The following TEX9 variants were observed in gnomAD, a reference collection of about 807,000 sequenced individuals.
The protein encoded by TEX9 is testis expressed 9.
In TEX9, 74 loss-of-function variants were observed where a neutral mutation model predicts 59.6. The observed-to-expected ratio is 1.24, with a 90% CI of 1.03 to 1.51. The LOEUF is 1.51. TEX9 is among the 40% of genes most tolerant of loss of function. The pLI is 0.00. For missense variants in TEX9, 522 were observed against 447.8 expected, an observed-to-expected ratio of 1.17 and a Z score of -1.49; for synonymous variants, 186 against 152.2, an observed-to-expected ratio of 1.22 and a Z score of -1.64.
At chr15:56,347,875 A>G (rs767185400) in intron 1 of TEX9, among the ~76,000 whole-genome samples, 5 of 152,124 alleles carry the variant, frequency 3.3e-5, no homozygotes, top group Admixed American at 6.6e-5. Flanking sequence ...TTTATAAAGG[A>G]TTAGTATATA....
rs906142769 is a variant in TEX9, at chr15:56,299,155, G to A, written c.-107+54877G>A. On this transcript the variant is annotated intron_variant, in intron 1 of 5. Coordinates refer to the TEX9 transcript ENST00000560827. ...GGAAAGACAGTCTTTAATTGCTGACGCCACCCCTCCACCATGCCCCAGCAG... is the reference window on the plus strand; with the variant it reads ...GGAAAGACAGTCTTTAATTGCTGACACCACCCCTCCACCATGCCCCAGCAG... 3.9e-5 allele frequency among the ~76,000 whole-genome samples: 6 copies of A among 152,142 alleles called. 1 individual carries two copies. Among genetic ancestry groups the A allele is most frequent in the African/African-American group, 1.4e-4 (6 of 41,436 alleles).
chr15:56,321,111 A>G (rs1025035405), intron 1 of TEX9, among the ~76,000 whole-genome samples: 5 of 152,178 alleles, frequency 3.3e-5, no homozygotes, highest in Admixed American at 6.5e-5. Context: ...GGGAAACTCA[A>G]TGCCACTGTG....
At chr15:56,382,806 T>C (rs1176646492) in intron 3 of TEX9, among the ~76,000 whole-genome samples, 1 of 152,202 alleles carries the variant, frequency 6.6e-6, no homozygotes, top group Admixed American at 6.5e-5. Flanking sequence ...TGAGACACTT[T>C]TGTTGCTGTG....
intron 12 of TEX9, among the ~76,000 whole-genome samples, chr15:56,433,791 C>T (rs1362641191): frequency 6.6e-6 from 1 of 152,156 alleles, no homozygotes; most frequent in Non-Finnish European, 1.5e-5. Flanking sequence ...GTTTCTCTCT[C>T]TGCCATACCA....
intron 1 of TEX9, among the ~76,000 whole-genome samples, chr15:56,310,981 C>G (rs1252170593): frequency 4.6e-5 from 7 of 152,130 alleles, no homozygotes; most frequent in African/African-American, 1.7e-4. Context: ...CAGATGACCT[C>G]AGACGAACAC....
intron 10 of TEX9, among the ~76,000 whole-genome samples, chr15:56,426,598 T>TATATATAC (rs1567141614): frequency 4.6e-5 from 1 of 21,752 alleles, no homozygotes; most frequent in East Asian, 8.2e-4. Flanking sequence ...TGTATATATA[T>TATATATAC]ATATATATAT....
chr15:56,389,199 C>T lies in TEX9; in HGVS notation c.313-119C>T, dbSNP rs2048096230. On this transcript the variant is annotated intron_variant, in intron 5 of 12. Transcript: ENST00000352903. Reference sequence around the variant, plus strand: ...TCTTGAAAACACATTTTTGGTAATTCCATGAAAATAGCAAATAGCAGTTTT... The same window carrying T: ...TCTTGAAAACACATTTTTGGTAATTTCATGAAAATAGCAAATAGCAGTTTT... 8 of 766,158 alleles carry T rather than the reference C, an allele frequency of 1.0e-5. No homozygotes were observed. The Admixed American group carries it at 1.7e-4, about 17-fold the overall frequency. 47.5% of individuals were successfully genotyped at this position (766,158 alleles called of 1,614,324 possible). A position where few individuals can be genotyped will look rare whatever the true frequency, so the allele number is the denominator to read the frequency against.
At position 56,444,380 on chromosome 15, in the gene TEX9, C is replaced by A. The variant is rs139192065; in HGVS notation, c.*30-1291C>A. On this transcript the variant is annotated intron_variant, in intron 12 of 12. Transcript: ENST00000352903. Reference sequence around the variant, plus strand: ...CTGTTCTAGGTGCTTCAGTTCCTCACAACAAACCTGTGATATATCTAAAGT... The same window carrying A: ...CTGTTCTAGGTGCTTCAGTTCCTCAAAACAAACCTGTGATATATCTAAAGT... 682 of 1,418,438 alleles carry A rather than the reference C, an allele frequency of 4.8e-4. 3 individuals carry two copies. The African/African-American group carries it at 8.8e-3, about 18-fold the overall frequency. The allele number at this position is 1,418,438 out of a possible 1,614,324, so 87.9% of individuals were successfully genotyped here. A position where few individuals can be genotyped will look rare whatever the true frequency, so the allele number is the denominator to read the frequency against.
rs1261663146 is a variant in TEX9 at position 56,428,906 on chromosome 15, A to T, written c.*29+433A>T. ...GTTGTAGAAATCGGATTTTGAAATTATCAGTACAAAAATAACAGCTTGATT... is the reference window on the plus strand; with the variant it reads ...GTTGTAGAAATCGGATTTTGAAATTTTCAGTACAAAAATAACAGCTTGATT... On this transcript the variant is annotated intron_variant, in intron 12 of 12. Coordinates refer to ENST00000352903, the Ensembl canonical transcript of TEX9. 5.8e-6 allele frequency: 3 copies of T among 517,910 alleles called. No individual in the cohort carries two copies. In the African/African-American group the frequency reaches 6.0e-5, roughly 10 times the overall value. The allele number at this position is 517,910 out of a possible 1,614,324, so 32.1% of individuals were successfully genotyped here.
At position 56,389,475 on chromosome 15, in the gene TEX9, G is replaced by A. The variant is rs1008296191; in HGVS notation, c.395+75G>A. The A allele has an allele frequency of 3.6e-6, 4 of 1,106,372 alleles. No homozygotes were observed. The Admixed American group carries it at 6.9e-5, about 19-fold the overall frequency. 68.5% of individuals were successfully genotyped at this position (1,106,372 alleles called of 1,614,324 possible). ...CAATACCATCATTCTTAATTATTAA[G>A]CTCTGTTTGTTTTTCCAGATCTTTT... On this transcript the variant is annotated intron_variant, in intron 6 of 12. Transcript: ENST00000352903.
intron 1 of TEX9, among the ~76,000 whole-genome samples, chr15:56,245,243 T>C (rs1486825704): frequency 6.6e-6 from 1 of 152,110 alleles, no homozygotes; most frequent in African/African-American, 2.4e-5. Flanking sequence ...CTGTGCCCTC[T>C]CTCCTGGCCC....
the TEX9 span, among the ~76,000 whole-genome samples, chr15:56,451,793 G>A: frequency 3.3e-5 from 5 of 152,096 alleles, no homozygotes; most frequent in African/African-American, 9.7e-5. Flanking sequence ...TGAACCCATC[G>A]TACATCAAGG....
At chr15:56,323,331 C>T (rs1272982422) in intron 1 of TEX9, 1 of 198,234 alleles carries the variant, frequency 5.0e-6, no homozygotes, top group Non-Finnish European at 1.1e-5. Context: ...GTAATGAAAA[C>T]CTGTGTTTCC....
chr15:56,355,913 G>A (rs949157484), intron 1 of TEX9, among the ~76,000 whole-genome samples: 2 of 151,898 alleles, frequency 1.3e-5, no homozygotes, highest in Non-Finnish European at 2.9e-5. Context: ...AAATTTTATA[G>A]TATATAAAAC....
At chr15:56,420,678 A>G (rs1241847696) in intron 10 of TEX9, among the ~76,000 whole-genome samples, 1 of 151,970 alleles carries the variant, frequency 6.6e-6, no homozygotes, top group Non-Finnish European at 1.5e-5. Flanking sequence ...TAATATAAGC[A>G]TTTAAACACT....
At chr15:56,303,156 T>C (rs965780897) in intron 1 of TEX9, among the ~76,000 whole-genome samples, 6 of 152,132 alleles carry the variant, frequency 3.9e-5, no homozygotes, top group Non-Finnish European at 5.9e-5. Context: ...ATCATCCAGG[T>C]AGAAAATCAG....
intron 12 of TEX9, among the ~76,000 whole-genome samples, chr15:56,436,408 T>C (rs909640832): frequency 6.6e-6 from 1 of 152,142 alleles, no homozygotes; most frequent in Middle Eastern, 3.4e-3. Context: ...TTGAAACCAA[T>C]GAGAACAAAG....
chr15:56,391,459 A>T, intron 7 of TEX9, 41 bp downstream of exon 7: 1 of 1,293,716 alleles, frequency 7.7e-7, no homozygotes. Flanking sequence ...TTTATAGCAC[A>T]GTTACTTAGA....
chr15:56,300,685 C>CAGAGAGAGAGAGAGAG (rs71110380), intron 1 of TEX9, among the ~76,000 whole-genome samples: 2 of 115,634 alleles, frequency 1.7e-5, no homozygotes, highest in Non-Finnish European at 3.3e-5. Context: ...AGCAACTCAG[C>CAGAGAGAGAGAGAGAG]AGAGAGAGAG....
Sources: allele counts gnomAD v4.1 joint callset (sites outside exome capture counted in the v4.1 genomes callset), GRCh38; gene constraint gnomAD v4.1.1; transcripts MANE v1.5; gene names NCBI Gene and HGNC (gene_info 2026-07-23, HGNC 2026-07-21).